SH2D4B: variants seen among roughly 807,000 people sequenced by gnomAD.
SH2D4B encodes SH2 domain-containing protein 4B.
SH2D4B carries 45 observed loss-of-function variants against 61.5 expected under a neutral mutation model. The ratio of observed to expected loss-of-function variants is 0.73; its 90% CI spans 0.58 to 0.94. The LOEUF is 0.94. Ranked by LOEUF, SH2D4B falls within the 40% of genes least tolerant of loss-of-function variation. SH2D4B has a pLI of 0.00. For missense variants in SH2D4B, 572 were observed against 574.2 expected, an observed-to-expected ratio of 1.00 and a Z score of 0.04; for synonymous variants, 224 against 220.4, an observed-to-expected ratio of 1.02 and a Z score of -0.14.
Position 80,599,328 on chromosome 10 carries a change from C to G in SH2D4B, c.644-4251C>G, listed in dbSNP as rs534581170. Among the ~76,000 whole-genome samples the G allele has an allele frequency of 5.7e-4, 86 of 152,190 alleles. 1 individual carries two copies. Among genetic ancestry groups the G allele is most frequent in the Admixed American group, 2.8e-3 (43 of 15,286 alleles). On this transcript the variant is annotated intron_variant, in intron 4 of 7. Transcript: ENST00000646907. ...TCTATCCCTTGATGGGATGGGACATCGTGCAGTTTCTCCTTGGACATAACT... is the reference window on the plus strand; with the variant it reads ...TCTATCCCTTGATGGGATGGGACATGGTGCAGTTTCTCCTTGGACATAACT...
intron 7 of SH2D4B, among the ~76,000 whole-genome samples, chr10:80,641,489 G>A (rs1441385134): frequency 6.6e-6 from 1 of 152,216 alleles, no homozygotes; most frequent in African/African-American, 2.4e-5. Context: ...ACCTACTCAA[G>A]CCCAGCAATG....
At chr10:80,581,592 C>T (rs1223606366) in intron 3 of SH2D4B, among the ~76,000 whole-genome samples, 5 of 152,104 alleles carry the variant, frequency 3.3e-5, no homozygotes, top group African/African-American at 1.2e-4. Flanking sequence ...CTGTGAGTGA[C>T]ACAGCAAGAA....
chr10:80,589,472 G>C (rs1193446964), intron 4 of SH2D4B, among the ~76,000 whole-genome samples: 1 of 152,156 alleles, frequency 6.6e-6, no homozygotes, highest in Non-Finnish European at 1.5e-5. Context: ...CCAGGAGGTC[G>C]AGGCTGCAGT....
chr10:80,598,055 C>T (rs1272870379), intron 4 of SH2D4B, among the ~76,000 whole-genome samples: 1 of 152,210 alleles, frequency 6.6e-6, no homozygotes. Flanking sequence ...AAAGTTGTCA[C>T]CCGAAGCTAC....
At chr10:80,548,591 G>A (rs933121132) in intron 1 of SH2D4B, among the ~76,000 whole-genome samples, 3 of 152,194 alleles carry the variant, frequency 2.0e-5, no homozygotes, top group Admixed American at 6.5e-5. Context: ...CCCATGCAAT[G>A]AGAATAACAA....
chr10:80,636,583 G>C (rs1840174162), intron 7 of SH2D4B, among the ~76,000 whole-genome samples: 1 of 152,188 alleles, frequency 6.6e-6, no homozygotes, highest in African/African-American at 2.4e-5. Flanking sequence ...TCTGTTGGCT[G>C]CATAGATGTC....
At chr10:80,578,157 G>A (rs1480437379) in intron 3 of SH2D4B, among the ~76,000 whole-genome samples, 7 of 152,074 alleles carry the variant, frequency 4.6e-5, no homozygotes, top group African/African-American at 1.7e-4. Flanking sequence ...TTTTTGTAGC[G>A]ATGGGGTTTT....
intron 1 of SH2D4B, among the ~76,000 whole-genome samples, chr10:80,544,344 A>G (rs549129195): frequency 7.2e-5 from 11 of 152,274 alleles, no homozygotes; most frequent in African/African-American, 2.4e-5. Context: ...ACATCTGAAC[A>G]TCAGAAGGAA....
At chr10:80,638,520 T>C (rs1025869509) in intron 7 of SH2D4B, among the ~76,000 whole-genome samples, 30 of 152,276 alleles carry the variant, frequency 2.0e-4, no homozygotes, top group African/African-American at 7.2e-4. Context: ...CTTGGGAGGG[T>C]GTATGTGTCT....
rs539406951 is a variant in SH2D4B, at chr10:80,581,404, C to T, written c.496-7226C>T. The stretch of plus-strand genomic sequence containing the variant: ...GCTGAATTATGTCCCTGCTAAAATC[C>T]GTATTTTGAAGTCCTAATCCCCGGG... On this transcript the variant is annotated intron_variant, in intron 3 of 7. Transcript: ENST00000646907. Among the ~76,000 whole-genome samples, 20 of 152,272 alleles carry T rather than the reference C, an allele frequency of 1.3e-4. No homozygotes were observed. The South Asian group carries it at 3.5e-3, about 27-fold the overall frequency.
At chr10:80,603,499 C>A (rs937671739) in intron 4 of SH2D4B, 80 bp from the exon 5 acceptor site, 1 of 1,335,096 alleles carries the variant, frequency 7.5e-7, no homozygotes, top group Non-Finnish European at 1.0e-6. Flanking sequence ...TTGCACCAAC[C>A]AAATACTTCC....
intron 6 of SH2D4B, among the ~76,000 whole-genome samples, chr10:80,620,354 C>G (rs2132152129): frequency 6.6e-6 from 1 of 152,318 alleles, no homozygotes; most frequent in African/African-American, 2.4e-5. Flanking sequence ...TCCCCTTCAC[C>G]CTTCCGCCAT....
chr10:80,619,720 A>G (rs1407555239), intron 6 of SH2D4B, among the ~76,000 whole-genome samples: 1 of 152,244 alleles, frequency 6.6e-6, no homozygotes, highest in African/African-American at 2.4e-5. Context: ...CCATCTGACC[A>G]CTTAAGAGAG....
At chr10:80,549,599 A>G (rs1199695495) in intron 1 of SH2D4B, among the ~76,000 whole-genome samples, 1 of 152,202 alleles carries the variant, frequency 6.6e-6, no homozygotes, top group African/African-American at 2.4e-5. Flanking sequence ...AGCCATGTGC[A>G]AAGTGCCTGA....
intron 4 of SH2D4B, among the ~76,000 whole-genome samples, chr10:80,589,390 G>T (rs1842299864): frequency 6.6e-6 from 1 of 152,152 alleles, no homozygotes; most frequent in Admixed American, 6.5e-5. Context: ...AGAAGTATTA[G>T]CTGGGATTGG....
rs12248041 is a variant in SH2D4B at position 80,571,014 on chromosome 10, C to T, written c.348-417C>T. On this transcript the variant is annotated intron_variant, in intron 2 of 7. Coordinates refer to ENST00000646907, the MANE Select transcript of SH2D4B (RefSeq NM_001388272.1). ...CTCAGCCTCCTGAGTATCTGGGACA[C>T]AGGTGCATGCCACCAGACATGGCTA... Among the ~76,000 whole-genome samples, 1,497 of 152,158 alleles carry T rather than the reference C, an allele frequency of 9.8e-3. 23 individuals are homozygous for T. The highest frequency in any genetic ancestry group is 0.035 in the African/African-American group (1,436 of 41,498).
intron 1 of SH2D4B, among the ~76,000 whole-genome samples, chr10:80,563,952 A>G (rs1281331294): frequency 2.6e-5 from 4 of 152,236 alleles, no homozygotes; most frequent in Admixed American, 6.5e-5. Flanking sequence ...CTGGATTTCC[A>G]TACGTTGGTA....
At chr10:80,543,299 C>T (rs375026980) in intron 1 of SH2D4B, among the ~76,000 whole-genome samples, 5 of 152,086 alleles carry the variant, frequency 3.3e-5, no homozygotes, top group African/African-American at 1.2e-4. Context: ...GGGGCCAGCG[C>T]GAGTTCCGGG....
At chr10:80,569,933 C>T (rs1016878491) in intron 1 of SH2D4B, among the ~76,000 whole-genome samples, 3 of 152,116 alleles carry the variant, frequency 2.0e-5, no homozygotes, top group Non-Finnish European at 2.9e-5. Flanking sequence ...CTTGGACGCC[C>T]ACCCCCGCAG....
Sources: gnomAD v4.1 joint callset for allele counts (sites outside exome capture counted in the v4.1 genomes callset) on GRCh38, gnomAD v4.1.1 for gene constraint, MANE v1.5 for transcripts, NCBI Gene and HGNC (gene_info 2026-07-23, HGNC 2026-07-21) for gene names.